The following CRYL1 variants were observed in gnomAD, a reference collection of about 807,000 sequenced individuals.
The protein encoded by CRYL1 is lambda-crystallin homolog.
In CRYL1, 29 loss-of-function variants were observed where a neutral mutation model predicts 36.6. The observed-to-expected ratio is 0.79, with a 90% CI of 0.59 to 1.08. The LOEUF (loss-of-function observed/expected upper bound fraction) is 1.08, where lower values mean the gene tolerates loss of function less well. CRYL1 is among the 50% of genes least tolerant of loss of function. The probability of loss-of-function intolerance (pLI) is 0.00; values close to 1 mark genes in which losing one functional copy is unlikely to be tolerated. For synonymous variants in CRYL1, 152 were observed against 151.5 expected, an observed-to-expected ratio of 1.00 and a Z score of -0.02; for missense variants, 411 against 407.9, an observed-to-expected ratio of 1.01 and a Z score of -0.06.
intron 2 of CRYL1, among the ~76,000 whole-genome samples, chr13:20,497,234 C>T (rs1002210590): frequency 2.6e-5 from 4 of 151,804 alleles, no homozygotes; most frequent in East Asian, 3.9e-4. Flanking sequence ...CCCTGAGAGG[C>T]GAGAGCCATG....
intron 1 of CRYL1, among the ~76,000 whole-genome samples, chr13:20,522,314 C>T (rs2034110251): frequency 6.6e-6 from 1 of 151,492 alleles, no homozygotes; most frequent in African/African-American, 2.4e-5. Context: ...GGTGCCACTG[C>T]ACTTCAGCCT....
At position 20,435,679 on chromosome 13, in the gene CRYL1, A is replaced by T. The variant is rs2032195143; in HGVS notation, c.439-3383T>A. ...ACGCCCCCGAAAGGGTTCGACAGATACAACGGCAGCGCAGCGCAGGGGCCT... is the reference window on the plus strand; with the variant it reads ...ACGCCCCCGAAAGGGTTCGACAGATTCAACGGCAGCGCAGCGCAGGGGCCT... On this transcript the variant is annotated intron_variant, in intron 4 of 7. Transcript: ENST00000298248. The surrounding 1 kb of genome is among the most constrained non-coding windows in gnomAD (Gnocchi z 4.0). 6.6e-6 allele frequency among the ~76,000 whole-genome samples: 1 copy of T among 152,120 alleles called. No individual in the cohort carries two copies. The highest frequency in any genetic ancestry group is 2.4e-5 in the African/African-American group (1 of 41,408).
At chr13:20,483,857 G>C (rs941676016) in intron 3 of CRYL1, among the ~76,000 whole-genome samples, 1 of 149,782 alleles carries the variant, frequency 6.7e-6, no homozygotes, top group Admixed American at 6.6e-5. Context: ...TCGCTCTGTC[G>C]CCAGGCTGGA....
At chr13:20,485,825 C>G (rs1331719166) in intron 3 of CRYL1, among the ~76,000 whole-genome samples, 1 of 152,202 alleles carries the variant, frequency 6.6e-6, no homozygotes, top group African/African-American at 2.4e-5. Flanking sequence ...ACCTTCCTTG[C>G]AGGATTCTAA....
chr13:20,507,452 C>T (rs2033813391), intron 2 of CRYL1, among the ~76,000 whole-genome samples: 1 of 152,172 alleles, frequency 6.6e-6, no homozygotes, highest in Admixed American at 6.5e-5. Context: ...TTGTCAACTC[C>T]TTGTCTGGAG....
At chr13:20,507,926 A>T (rs2033832574) in intron 2 of CRYL1, among the ~76,000 whole-genome samples, 1 of 150,696 alleles carries the variant, frequency 6.6e-6, no homozygotes, top group Non-Finnish European at 1.5e-5. Context: ...TCTCAAAAAA[A>T]AAAAGAAAAA....
chr13:20,460,565 G>A (rs537938573), intron 3 of CRYL1, among the ~76,000 whole-genome samples: 57 of 123,940 alleles, frequency 4.6e-4, no homozygotes, highest in Admixed American at 1.1e-3. Flanking sequence ...TCGCTCTGTC[G>A]CCCAGGCTGG....
chr13:20,490,759 T>C (rs375226654), intron 2 of CRYL1, among the ~76,000 whole-genome samples: 63 of 152,188 alleles, frequency 4.1e-4, no homozygotes, highest in Middle Eastern at 3.4e-3. Context: ...TATAGCAGAG[T>C]AGGCTTCGGG....
chr13:20,408,201 C>G (rs906068561), intron 6 of CRYL1, among the ~76,000 whole-genome samples: 1 of 152,168 alleles, frequency 6.6e-6, no homozygotes. Context: ...GAGGCAGAAC[C>G]GACCCGGGCC....
At chr13:20,404,549 G>A in intron 7 of CRYL1, 86 bp downstream of exon 7, 1 of 834,748 alleles carries the variant, frequency 1.2e-6, no homozygotes, top group Non-Finnish European at 2.0e-6. Flanking sequence ...GCAGAGGCAG[G>A]CCCACCCGCT....
Position 20,468,367 on chromosome 13 carries a change from C to T in CRYL1, c.276+21003G>A, listed in dbSNP as rs9506492. On this transcript the variant is annotated intron_variant, in intron 3 of 7. Transcript: ENST00000298248. The stretch of plus-strand genomic sequence containing the variant: ...GACTCAAACTCCTAGGCTCAAGTGA[C>T]CCTCCCAACTCAGCCTCCTGAGTAG... 0.82 allele frequency among the ~76,000 whole-genome samples: 125,218 copies of T among 152,120 alleles called. 51,677 individuals carry two copies. The highest frequency in any genetic ancestry group is 0.87 in the Admixed American group (13,268 of 15,288).
At chr13:20,438,000 G>C (rs568033145) in intron 4 of CRYL1, among the ~76,000 whole-genome samples, 2 of 152,154 alleles carry the variant, frequency 1.3e-5, no homozygotes, top group South Asian at 2.1e-4. Context: ...GCAAAGGCAC[G>C]ACAGGCTTCT....
intron 3 of CRYL1, among the ~76,000 whole-genome samples, chr13:20,468,253 A>G (rs2032982904): frequency 6.6e-6 from 1 of 151,888 alleles, no homozygotes; most frequent in Non-Finnish European, 1.5e-5. Context: ...CCAGTTTTGC[A>G]CTCTTCTCCA....
At chr13:20,450,957 A>C (rs2032558377) in intron 3 of CRYL1, among the ~76,000 whole-genome samples, 1 of 151,774 alleles carries the variant, frequency 6.6e-6, no homozygotes, top group African/African-American at 2.4e-5. Flanking sequence ...AAACTATCGC[A>C]AGGACAGAAA....
intron 1 of CRYL1, 131 bp from the exon 2 acceptor site, chr13:20,512,681 T>A (rs1292957589): frequency 1.6e-5 from 10 of 619,806 alleles, no homozygotes; most frequent in Admixed American, 2.9e-5. Flanking sequence ...ATCTTAAAAG[T>A]ACACATTTTA....
At chr13:20,518,713 C>A (rs2034044133) in intron 1 of CRYL1, among the ~76,000 whole-genome samples, 2 of 152,128 alleles carry the variant, frequency 1.3e-5, no homozygotes, top group South Asian at 4.1e-4. Flanking sequence ...AGCTGGGTGT[C>A]AGGAGGCTGG....
rs9578289 is a variant in CRYL1, at chr13:20,477,147, C to T, written c.276+12223G>A. Among the ~76,000 whole-genome samples, 1,338 of 152,244 alleles carry T rather than the reference C, an allele frequency of 8.8e-3. 7 individuals carry two copies. Among genetic ancestry groups the T allele is most frequent in the Non-Finnish European group, 0.015 (994 of 68,008 alleles). On this transcript the variant is annotated intron_variant, in intron 3 of 7. Transcript: ENST00000298248. ...CCGCGCTCCAGCCTGGGCGACAGAG[C>T]GGGACTCCGTCTCAAAAACAGCAAC...
At chr13:20,515,716 C>G (rs2033987660) in intron 1 of CRYL1, 1 of 152,186 alleles carries the variant, frequency 6.6e-6, no homozygotes, top group Non-Finnish European at 1.5e-5. Context: ...TACGATTCCA[C>G]TTACCTGAGG....
intron 2 of CRYL1, among the ~76,000 whole-genome samples, chr13:20,489,832 T>C (rs964914274): frequency 6.6e-6 from 1 of 152,128 alleles, no homozygotes; most frequent in East Asian, 1.9e-4. Flanking sequence ...CTCCAAGAGA[T>C]TTTTGTACAC....
Sources: allele counts gnomAD v4.1 joint callset (sites outside exome capture counted in the v4.1 genomes callset), GRCh38; gene constraint gnomAD v4.1.1; non-coding constraint Gnocchi (gnomAD v3.1); transcripts MANE v1.5; gene names NCBI Gene and HGNC (gene_info 2026-07-23, HGNC 2026-07-21).